Variants in CCDC57 observed in about 807,000 individuals in gnomAD.
The protein encoded by CCDC57 is coiled-coil domain containing 57.
CCDC57 carries 118 observed loss-of-function variants against 118.9 expected under a neutral mutation model. That is an observed-to-expected ratio of 0.99 (90% CI 0.86 to 1.16). The LOEUF (loss-of-function observed/expected upper bound fraction) is 1.16. CCDC57 is among the 50% of genes most tolerant of loss of function. The probability of loss-of-function intolerance (pLI) is 0.00; values close to 1 mark genes in which losing one functional copy is unlikely to be tolerated. For synonymous variants in CCDC57, 527 were observed against 532.9 expected (o/e 0.99, Z 0.15); for missense variants, 1,300 against 1,320.7 (o/e 0.98, Z 0.24).
intron 13 of CCDC57, among the ~76,000 whole-genome samples, chr17:82,164,026 C>A (rs189798583): frequency 6.6e-6 from 1 of 151,560 alleles, no homozygotes. Context: ...GATAACAGAG[C>A]GAGACCCTGT....
chr17:82,204,600 G>A (rs2049384802), intron 2 of CCDC57, among the ~76,000 whole-genome samples: 3 of 152,264 alleles, frequency 2.0e-5, no homozygotes, highest in Admixed American at 6.5e-5. Context: ...TGGCTAACAC[G>A]GTGAAACCCC....
At chr17:82,188,465 C>T in intron 7 of CCDC57, 46 bp from the exon 7 acceptor site, 2 of 1,562,192 alleles carry the variant, frequency 1.3e-6, no homozygotes. Flanking sequence ...GCCCCCAACA[C>T]CCAGGCCCCA....
At chr17:82,161,095 C>T (rs2043272010) in intron 14 of CCDC57, among the ~76,000 whole-genome samples, 1 of 152,124 alleles carries the variant, frequency 6.6e-6, no homozygotes. Flanking sequence ...CCAAGACGCA[C>T]ATGAGACGAT....
rs115154728 is a variant in CCDC57, at chr17:82,151,600, C to T, written c.2415G>A (p.Glu805=). 6.8e-4 allele frequency: 1,057 copies of T among 1,550,424 alleles called. 12 individuals carry two copies. In the African/African-American group the frequency reaches 0.013, roughly 19 times the overall value. Reference sequence around the variant, plus strand: ...GCTCTGCACGGAGCCTGTTCCCCATCTCGATGAGCTGCTCTTTCTCCAGGC... The same window carrying T: ...GCTCTGCACGGAGCCTGTTCCCCATTTCGATGAGCTGCTCTTTCTCCAGGC... The change falls in exon 16 of 20, where the codon GAG becomes GAA. Residue 805 remains glutamate (E), a synonymous_variant. Coordinates refer to ENST00000665763, the Ensembl canonical transcript of CCDC57.
chr17:82,192,130 C>T lies in CCDC57; in HGVS notation c.851+1626G>A, dbSNP rs1053781377. On this transcript the variant is annotated intron_variant, in intron 7 of 19. Transcript: ENST00000665763. This position sits in a 1 kb window ranked among gnomAD's most constrained non-coding sequence, Gnocchi z 4.0. ...CCTGCCAAGTAGCTGGGATTACAGG[C>T]GTGCACCACCACGCCCGGCTAATTT... 1.3e-5 allele frequency among the ~76,000 whole-genome samples: 2 copies of T among 151,956 alleles called. No individual in the cohort carries two copies. The highest frequency in any genetic ancestry group is 1.9e-4 in the East Asian group (1 of 5,190).
At chr17:82,195,177 A>G in intron 5 of CCDC57, 86 bp downstream of exon 4, 1 of 987,696 alleles carries the variant, frequency 1.0e-6, no homozygotes, top group Non-Finnish European at 1.6e-6. Context: ...TGGTCTCCCA[A>G]AGTGCTGAGA....
chr17:82,148,634 G>T (rs2041312736), intron 16 of CCDC57, among the ~76,000 whole-genome samples: 1 of 83,422 alleles, frequency 1.2e-5, no homozygotes, highest in Non-Finnish European at 2.3e-5. Flanking sequence ...ATGGATAGAT[G>T]GATGGGTGGG....
At chr17:82,114,106 G>A (rs1390281577) in intron 19 of CCDC57, among the ~76,000 whole-genome samples, 1 of 152,172 alleles carries the variant, frequency 6.6e-6, no homozygotes, top group Non-Finnish European at 1.5e-5. Context: ...ACAGAGTGAC[G>A]CCACAGATGG....
intron 13 of CCDC57, among the ~76,000 whole-genome samples, chr17:82,163,930 G>A (rs773586562): frequency 6.6e-6 from 1 of 152,040 alleles, no homozygotes; most frequent in Non-Finnish European, 1.5e-5. Flanking sequence ...ATCTCATCAC[G>A]TTGGGAGGCT....
At chr17:82,183,815 C>A in exon 9 of CCDC57, 1 of 1,596,046 alleles carries the variant, frequency 6.3e-7, no homozygotes, top group Non-Finnish European at 8.5e-7. Context: ...GTGCCTTGAG[C>A]TTCACCTCTT....
intron 19 of CCDC57, chr17:82,126,794 C>G (rs1181431467): frequency 1.0e-6 from 1 of 985,322 alleles, no homozygotes; most frequent in Non-Finnish European, 1.2e-6. Context: ...CTAACAGTAT[C>G]TGTGACGGTA....
chr17:82,154,843 G>A (rs1421743513), intron 15 of CCDC57: 4 of 150,700 alleles, frequency 2.7e-5, no homozygotes, highest in South Asian at 2.1e-4. Context: ...ATGCCCTGAC[G>A]CTGTCTCTCC....
intron 13 of CCDC57, among the ~76,000 whole-genome samples, chr17:82,164,252 G>C (rs529076523): frequency 2.2e-4 from 33 of 151,702 alleles, no homozygotes; most frequent in Admixed American, 6.6e-4. Flanking sequence ...GTGGTGGTGC[G>C]CCCCTGTGGT....
chr17:82,191,483 A>G (rs867336312), intron 7 of CCDC57, among the ~76,000 whole-genome samples: 10 of 152,082 alleles, frequency 6.6e-5, no homozygotes, highest in African/African-American at 2.4e-4. Context: ...ATGGAATTAC[A>G]ATGTATTTCT....
chr17:82,196,323 C>T (rs79217732), intron 4 of CCDC57, among the ~76,000 whole-genome samples: 5 of 152,354 alleles, frequency 3.3e-5, no homozygotes, highest in South Asian at 2.1e-4. Context: ...TAAAGAACTC[C>T]GGCTGTTCTC....
chr17:82,169,209 C>T (rs1263645566), intron 13 of CCDC57, among the ~76,000 whole-genome samples: 1 of 152,146 alleles, frequency 6.6e-6, no homozygotes, highest in Non-Finnish European at 1.5e-5. Context: ...TCACTGCAAC[C>T]TCCGCCTCCT....
chr17:82,174,624 T>C (rs1415268465), intron 11 of CCDC57, among the ~76,000 whole-genome samples: 1 of 152,194 alleles, frequency 6.6e-6, no homozygotes, highest in African/African-American at 2.4e-5. Flanking sequence ...ACGTCTGAAG[T>C]TCCCAGGATT....
intron 14 of CCDC57, among the ~76,000 whole-genome samples, chr17:82,161,487 AC>A (rs1473863620): frequency 5.8e-4 from 89 of 152,310 alleles, no homozygotes; most frequent in African/African-American, 2.1e-3. Context: ...CACAATCCAA[AC>A]AGCGGAAACA....
exon 18 of CCDC57, chr17:82,128,500 C>G: frequency 1.9e-6 from 3 of 1,557,468 alleles, no homozygotes; most frequent in Non-Finnish European, 2.6e-6. Context: ...CACCTTCGGG[C>G]CTTGCAGGGC....
Sources: allele counts gnomAD v4.1 joint callset (sites outside exome capture counted in the v4.1 genomes callset), GRCh38; gene constraint gnomAD v4.1.1; non-coding constraint Gnocchi (gnomAD v3.1); transcripts MANE v1.5; gene names NCBI Gene and HGNC (gene_info 2026-07-23, HGNC 2026-07-21).